The following LRRTM3 variants were observed in gnomAD, a reference collection of about 807,000 sequenced individuals.
LRRTM3 encodes the protein leucine rich repeat transmembrane neuronal 3.
Under a neutral mutation model 44.7 loss-of-function variants are expected in LRRTM3, and 24 were observed. That is an observed-to-expected ratio of 0.54 (90% CI 0.39 to 0.76). The LOEUF is 0.76. Among genes scored for constraint, LRRTM3 ranks in the 30% least tolerant of loss-of-function variants. The pLI is 0.00. For synonymous variants in LRRTM3, 277 were observed against 278.7 expected (o/e 0.99, Z 0.06); for missense variants, 587 against 702.2 (o/e 0.84, Z 1.85).
At chr10:67,028,730 A>T (rs1201379608) in intron 2 of LRRTM3, among the ~76,000 whole-genome samples, 1 of 152,004 alleles carries the variant, frequency 6.6e-6, no homozygotes, top group African/African-American at 2.4e-5. Context: ...ATCTAAAACG[A>T]TTAAGGTCTT....
intron 2 of LRRTM3, among the ~76,000 whole-genome samples, chr10:67,053,470 G>T (rs1165452895): frequency 6.6e-6 from 1 of 152,102 alleles, no homozygotes; most frequent in Non-Finnish European, 1.5e-5. Flanking sequence ...GATTATATTT[G>T]CCAGGCTGCC....
intron 2 of LRRTM3, among the ~76,000 whole-genome samples, chr10:66,931,691 AT>A (rs113875634): frequency 0.027 from 4,108 of 152,282 alleles, 169 homozygotes; most frequent in African/African-American, 0.093. Context: ...TCCTTGGGAA[AT>A]ATAATTATAA....
intron 2 of LRRTM3, among the ~76,000 whole-genome samples, chr10:67,029,217 C>T (rs1173293298): frequency 6.6e-6 from 1 of 152,174 alleles, no homozygotes; most frequent in Non-Finnish European, 1.5e-5. Flanking sequence ...TGAAAAGGTT[C>T]ACTAATGTAC....
At chr10:66,962,259 C>G (rs1849150471) in intron 2 of LRRTM3, among the ~76,000 whole-genome samples, 1 of 152,088 alleles carries the variant, frequency 6.6e-6, no homozygotes, top group Non-Finnish European at 1.5e-5. Context: ...TCTCACTGAC[C>G]TTATCACCCA....
At chr10:66,961,036 T>C (rs1849082155) in intron 2 of LRRTM3, among the ~76,000 whole-genome samples, 1 of 152,172 alleles carries the variant, frequency 6.6e-6, no homozygotes, top group Admixed American at 6.6e-5. Context: ...GACATAGTTA[T>C]CACAATATTA....
intron 2 of LRRTM3, among the ~76,000 whole-genome samples, chr10:67,039,239 G>T (rs1326249231): frequency 2.0e-5 from 3 of 152,100 alleles, no homozygotes; most frequent in African/African-American, 7.2e-5. Context: ...TATACCAAGT[G>T]TAGCAGATGT....
At chr10:67,051,042 A>C (rs1346532197) in intron 2 of LRRTM3, among the ~76,000 whole-genome samples, 1 of 152,218 alleles carries the variant, frequency 6.6e-6, no homozygotes, top group African/African-American at 2.4e-5. Context: ...TTCTGTTTTC[A>C]AGAACCTTAC....
chr10:67,076,283 T>C (rs1856744281), intron 2 of LRRTM3, among the ~76,000 whole-genome samples: 1 of 152,234 alleles, frequency 6.6e-6, no homozygotes, highest in African/African-American at 2.4e-5. Context: ...ATCTTAAGGC[T>C]AAAATGAACT....
At chr10:66,946,443 A>G (rs1848280784) in intron 2 of LRRTM3, among the ~76,000 whole-genome samples, 1 of 152,148 alleles carries the variant, frequency 6.6e-6, no homozygotes, top group South Asian at 2.1e-4. Flanking sequence ...TGGTCAATGT[A>G]CAGCTTGATG....
In LRRTM3 at chr10:66,928,179, C is replaced by A. The variant is rs138124510; in HGVS notation, c.1263C>A (p.Ile421=). The change falls in exon 2 of 3, where the codon ATC becomes ATA. Residue 421 remains isoleucine (I), a synonymous_variant. Transcript: ENST00000361320. ...AGCACATCTCTTTCCATAAAATCAT[C>A]GCGGGCAGCGTGGCGCTTTTCCTGT... is the stretch of plus-strand genomic sequence containing the variant. ...DAEHISFHKI[I]AGSVALFLSV... The A allele has an allele frequency of 7.4e-6, 12 of 1,614,084 alleles. No individual in the cohort carries two copies. Among genetic ancestry groups the A allele is most frequent in the Admixed American group, 1.7e-5 (1 of 60,014 alleles).
At chr10:67,060,680 CTCT>C (rs1311851693) in intron 2 of LRRTM3, among the ~76,000 whole-genome samples, 3 of 152,072 alleles carry the variant, frequency 2.0e-5, no homozygotes, top group Admixed American at 1.3e-4. Context: ...CTCTCTCTCT[CTCT>C]TCTTCTACCA....
chr10:67,022,529 T>C (rs925669204), intron 2 of LRRTM3, among the ~76,000 whole-genome samples: 10 of 152,208 alleles, frequency 6.6e-5, no homozygotes, highest in African/African-American at 2.4e-4. Context: ...AGGAAGGTCA[T>C]GAATTTTAAC....
At chr10:67,025,879 C>G (rs1293014572) in intron 2 of LRRTM3, among the ~76,000 whole-genome samples, 1 of 144,974 alleles carries the variant, frequency 6.9e-6, no homozygotes, top group Non-Finnish European at 1.5e-5. Flanking sequence ...CAATGATAGA[C>G]TGGATTAAGA....
At chr10:67,018,535 G>C (rs1444756874) in intron 2 of LRRTM3, among the ~76,000 whole-genome samples, 1 of 152,140 alleles carries the variant, frequency 6.6e-6, no homozygotes, top group Non-Finnish European at 1.5e-5. Context: ...CTTTAAATAA[G>C]GTTTCAATTC....
chr10:67,003,813 T>C (rs192833932), intron 2 of LRRTM3, among the ~76,000 whole-genome samples: 14 of 152,286 alleles, frequency 9.2e-5, no homozygotes, highest in Non-Finnish European at 1.5e-4. Flanking sequence ...AATAGATTCA[T>C]GTGTTGTCTC....
intron 2 of LRRTM3, among the ~76,000 whole-genome samples, chr10:67,081,685 G>C (rs1037425794): frequency 1.3e-5 from 2 of 152,148 alleles, no homozygotes; most frequent in African/African-American, 4.8e-5. Context: ...ATTTTGAGTA[G>C]TTCTAGTCTC....
At chr10:67,047,485 T>C (rs1854826600) in intron 2 of LRRTM3, among the ~76,000 whole-genome samples, 1 of 152,120 alleles carries the variant, frequency 6.6e-6, no homozygotes. Flanking sequence ...TACTGCATTA[T>C]ATTTAAACCA....
intron 2 of LRRTM3, among the ~76,000 whole-genome samples, chr10:67,072,779 A>G (rs948530124): frequency 4.6e-5 from 7 of 152,146 alleles, no homozygotes; most frequent in Admixed American, 2.0e-4. Flanking sequence ...AATTTGGTAA[A>G]TATCTTCAAA....
At chr10:67,084,776 T>TA (rs897521837) in intron 2 of LRRTM3, among the ~76,000 whole-genome samples, 9 of 151,952 alleles carry the variant, frequency 5.9e-5, no homozygotes, top group African/African-American at 1.9e-4. Flanking sequence ...CTGTATCGCA[T>TA]AAAAAATCTG....
Sources: allele counts gnomAD v4.1 joint callset (sites outside exome capture counted in the v4.1 genomes callset), GRCh38; gene constraint gnomAD v4.1.1; transcripts MANE v1.5; gene names NCBI Gene and HGNC (gene_info 2026-07-23, HGNC 2026-07-21).